MCHR2: variants seen among roughly 807,000 people sequenced by gnomAD.
MCHR2 encodes the protein melanin-concentrating hormone receptor 2.
In MCHR2, 15 loss-of-function variants were observed where a neutral mutation model predicts 24.8. The ratio of observed to expected loss-of-function variants is 0.60; its 90% CI spans 0.40 to 0.93. The LOEUF (loss-of-function observed/expected upper bound fraction) is 0.93. MCHR2 is among the 40% of genes least tolerant of loss of function. The probability of loss-of-function intolerance (pLI) is 0.00; values close to 1 mark genes in which losing one functional copy is unlikely to be tolerated. For synonymous variants in MCHR2, 151 were observed against 147.6 expected, an observed-to-expected ratio of 1.02 and a Z score of -0.17; for missense variants, 386 against 408.7, an observed-to-expected ratio of 0.94 and a Z score of 0.48.
Position 99,918,808 on chromosome 6 carries a change from C to T in MCHR2, c.*2132G>A, listed in dbSNP as rs933545571. ...ATTTATTAATCACCCTTTTTATTTT[C>T]TACTTTGATTAAATGCTAAATAAAG... On this transcript the variant is annotated 3_prime_UTR_variant, in exon 6 of 6. Coordinates refer to ENST00000281806, the MANE Select transcript of MCHR2 (RefSeq NM_001040179.2). 6.6e-6 allele frequency among the ~76,000 whole-genome samples: 1 copy of T among 152,058 alleles called. No individual in the cohort carries two copies. Among genetic ancestry groups the T allele is most frequent in the African/African-American group, 2.4e-5 (1 of 41,432 alleles).
In MCHR2 at chr6:99,920,798, T is replaced by C. The variant is rs200962274; in HGVS notation, c.*142A>G. 2.6e-6 allele frequency: 2 copies of C among 783,188 alleles called. No individual in the cohort carries two copies. The highest frequency in any genetic ancestry group is 2.1e-6 in the Non-Finnish European group (1 of 481,052). 48.5% of individuals were successfully genotyped at this position (783,188 alleles called of 1,614,324 possible). A position where few individuals can be genotyped will look rare whatever the true frequency, so the allele number is the denominator to read the frequency against. On this transcript the variant is annotated 3_prime_UTR_variant, in exon 6 of 6. Transcript: ENST00000281806. ...GCATATTAAGCTCATTGTATTTGCA[T>C]GGTTACACTTCTCTTCCATGCTGCT...
chr6:99,954,011 C>T (rs74993200), intron 2 of MCHR2, among the ~76,000 whole-genome samples: 5,347 of 152,120 alleles, frequency 0.035, 235 homozygotes, highest in African/African-American at 0.1. Context: ...AGTTACGAGC[C>T]TTCTCGGGGT....
At chr6:99,974,115 A>T (rs1264045138) in intron 1 of MCHR2, among the ~76,000 whole-genome samples, 1 of 152,138 alleles carries the variant, frequency 6.6e-6, no homozygotes, top group Non-Finnish European at 1.5e-5. Context: ...CTGCCTTGCT[A>T]GATTGGGGAA....
In MCHR2 at chr6:99,969,377, G is replaced by GGCA. The variant is rs1433201810; in HGVS notation, c.-27-13206_-27-13204dup. Among the ~76,000 whole-genome samples, 3 of 150,808 alleles carry GGCA rather than the reference G, an allele frequency of 2.0e-5. No individual in the cohort carries two copies. The East Asian group carries it at 5.9e-4, about 30-fold the overall frequency. ...TAATCCCAGCTAGTCAGGAGGCTGA[G>GGCA]GCAGCAGAATTGCTTGAACTCAGGA... is the stretch of plus-strand genomic sequence containing the variant. On this transcript the variant is annotated intron_variant, in intron 1 of 5. Coordinates refer to ENST00000281806, the MANE Select transcript of MCHR2 (RefSeq NM_001040179.2).
At chr6:99,962,899 G>A (rs1236743427) in intron 1 of MCHR2, among the ~76,000 whole-genome samples, 1 of 151,904 alleles carries the variant, frequency 6.6e-6, no homozygotes, top group Non-Finnish European at 1.5e-5. Context: ...AATATTGATA[G>A]CAAATAAGCA....
At chr6:99,926,196 GGTGT>G (rs1774354660) in intron 5 of MCHR2, among the ~76,000 whole-genome samples, 1 of 152,082 alleles carries the variant, frequency 6.6e-6, no homozygotes. Flanking sequence ...AGTATTCCAT[GGTGT>G]ATATGTGCCA....
Position 99,958,939 on chromosome 6 carries a change from G to A in MCHR2, c.-27-2765C>T, listed in dbSNP as rs1005744235. 7.9e-5 allele frequency among the ~76,000 whole-genome samples: 12 copies of A among 152,224 alleles called. 1 individual carries two copies. The East Asian group carries it at 2.1e-3, about 27-fold the overall frequency. Reference sequence around the variant, plus strand: ...GAATGGCATATTCTGGATACCTGGGGGCTCCTTAGAACAAAAGAGCTGGGC... The same window carrying A: ...GAATGGCATATTCTGGATACCTGGGAGCTCCTTAGAACAAAAGAGCTGGGC... On this transcript the variant is annotated intron_variant, in intron 1 of 5. Transcript: ENST00000281806.
intron 5 of MCHR2, among the ~76,000 whole-genome samples, chr6:99,926,482 C>T (rs1029305904): frequency 5.6e-5 from 4 of 71,396 alleles, no homozygotes; most frequent in Middle Eastern, 7.4e-3. Context: ...TTCTCCACAT[C>T]CTCTCCAGCA....
At chr6:99,930,867 G>C (rs1455793351) in intron 5 of MCHR2, among the ~76,000 whole-genome samples, 2 of 152,180 alleles carry the variant, frequency 1.3e-5, no homozygotes, top group Non-Finnish European at 2.9e-5. Context: ...ATCCAGCTTT[G>C]TTCCATTGCT....
Position 99,943,109 on chromosome 6 carries a change from G to A in MCHR2, c.427C>T (p.Arg143Cys), listed in dbSNP as rs200040661. ...ATGGTCTTGTACCTTGTTCTCCAACGTGTCAGTCGAAATGGTTGGACGAGG... is the reference window on the plus strand; with the variant it reads ...ATGGTCTTGTACCTTGTTCTCCAACATGTCAGTCGAAATGGTTGGACGAGG... ...FALVQPFRLT[R>C]WRTRYKTIRI... The change falls in exon 4 of 6, where the codon CGT (arginine) becomes TGT (cysteine). Residue 143 changes from arginine (R) to cysteine (C), a missense_variant. By Grantham distance (180) the Arg-to-Cys change is radical (BLOSUM62 -3). Coordinates refer to ENST00000281806, the MANE Select transcript of MCHR2 (RefSeq NM_001040179.2). 86 of 1,610,600 alleles carry A rather than the reference G, an allele frequency of 5.3e-5. No individual in the cohort carries two copies. The highest frequency in any genetic ancestry group is 8.4e-5 in the Admixed American group (5 of 59,840).
At chr6:99,956,865 T>C (rs1775072746) in intron 1 of MCHR2, among the ~76,000 whole-genome samples, 1 of 152,150 alleles carries the variant, frequency 6.6e-6, no homozygotes. Context: ...AAAAATATCA[T>C]CTAAGTCTGG....
intron 1 of MCHR2, among the ~76,000 whole-genome samples, chr6:99,975,197 C>T (rs181448154): frequency 1.3e-5 from 2 of 152,208 alleles, no homozygotes; most frequent in African/African-American, 2.4e-5. Context: ...GCAGGCAGGT[C>T]TCCTTGAGCT....
At chr6:99,968,982 G>A (rs368520724) in intron 1 of MCHR2, among the ~76,000 whole-genome samples, 4 of 151,758 alleles carry the variant, frequency 2.6e-5, no homozygotes, top group African/African-American at 4.8e-5. Flanking sequence ...GGGCTATAAG[G>A]GAAATTTATA....
chr6:99,951,285 T>C (rs1774959407), intron 2 of MCHR2, among the ~76,000 whole-genome samples: 1 of 152,122 alleles, frequency 6.6e-6, no homozygotes, highest in African/African-American at 2.4e-5. Flanking sequence ...TTAGTAGTCA[T>C]TTCCTGAAGC....
intron 5 of MCHR2, among the ~76,000 whole-genome samples, chr6:99,928,815 G>A (rs1312815718): frequency 6.6e-6 from 1 of 152,062 alleles, no homozygotes; most frequent in Non-Finnish European, 1.5e-5. Flanking sequence ...TTCTTTGAAG[G>A]GTTTTTTGTG....
At chr6:99,986,517 A>G (rs1364867982) in intron 1 of MCHR2, among the ~76,000 whole-genome samples, 1 of 152,184 alleles carries the variant, frequency 6.6e-6, no homozygotes, top group African/African-American at 2.4e-5. Flanking sequence ...AATGTCTTTT[A>G]TGGCAACATA....
chr6:99,965,532 G>GATTAATTT (rs1775280933), intron 1 of MCHR2, among the ~76,000 whole-genome samples: 1 of 151,982 alleles, frequency 6.6e-6, no homozygotes, highest in Non-Finnish European at 1.5e-5. Context: ...AAGTCAAAAT[G>GATTAATTT]ATTAATTTAT....
intron 5 of MCHR2, among the ~76,000 whole-genome samples, chr6:99,929,660 C>T (rs985564844): frequency 1.3e-5 from 2 of 152,096 alleles, no homozygotes; most frequent in African/African-American, 2.4e-5. Flanking sequence ...AGGATTGCAA[C>T]CCCTGCCTTT....
chr6:99,982,323 G>C (rs920959245), intron 1 of MCHR2, among the ~76,000 whole-genome samples: 1 of 151,674 alleles, frequency 6.6e-6, no homozygotes, highest in Admixed American at 6.6e-5. Flanking sequence ...ATCTAATATT[G>C]ATATATAAAA....
Sources: gnomAD v4.1 joint callset for allele counts (sites outside exome capture counted in the v4.1 genomes callset) on GRCh38, gnomAD v4.1.1 for gene constraint, MANE v1.5 for transcripts, NCBI Gene and HGNC (gene_info 2026-07-23, HGNC 2026-07-21) for gene names.